The following CD8B variants were observed in gnomAD, a reference collection of about 807,000 sequenced individuals.
CD8B encodes CD8 subunit beta.
Under a neutral mutation model 24.2 loss-of-function variants are expected in CD8B, and 6 were observed. The observed-to-expected ratio is 0.25, with a 90% CI of 0.14 to 0.49. The LOEUF (loss-of-function observed/expected upper bound fraction) is 0.49. Among genes scored for constraint, CD8B ranks in the 20% least tolerant of loss-of-function variants. The probability of loss-of-function intolerance (pLI) is 0.98; values close to 1 mark genes in which losing one functional copy is unlikely to be tolerated. For missense variants in CD8B, 196 were observed against 271.3 expected (o/e 0.72, Z 1.95); for synonymous variants, 84 against 108.3 (o/e 0.78, Z 1.39).
At position 86,842,236 on chromosome 2, in the gene CD8B, C is replaced by T; in HGVS notation, c.*71G>A. The T allele has an allele frequency of 6.6e-7, 1 of 1,518,386 alleles. No individual in the cohort carries two copies. Among genetic ancestry groups the T allele is most frequent in the South Asian group, 1.3e-5 (1 of 74,526 alleles). 94.1% of individuals were successfully genotyped at this position (1,518,386 alleles called of 1,614,324 possible). ...CCAGGGTTGAATGTGTCCCTTCTCT[C>T]ATTTTTCCACATCGTGCTCGTTACT... On this transcript the variant is annotated 3_prime_UTR_variant, in exon 6 of 6. Coordinates refer to ENST00000390655, the MANE Select transcript of CD8B (RefSeq NM_004931.5).
chr2:86,831,532 C>T (rs1407189057), intron 5 of CD8B, among the ~76,000 whole-genome samples: 1 of 152,194 alleles, frequency 6.6e-6, no homozygotes, highest in Non-Finnish European at 1.5e-5. Context: ...AGAGAAACTT[C>T]TTTTGCCTTT....
intron 2 of CD8B, among the ~76,000 whole-genome samples, chr2:86,854,385 C>G (rs1676127464): frequency 6.6e-6 from 1 of 152,180 alleles, no homozygotes. Flanking sequence ...GGTTTTCCTT[C>G]TCAGATGGCC....
intron 3 of CD8B, among the ~76,000 whole-genome samples, chr2:86,851,507 CT>C (rs1420557503): frequency 2.6e-5 from 4 of 152,164 alleles, no homozygotes; most frequent in Non-Finnish European, 2.9e-5. Flanking sequence ...TACTCTTAAG[CT>C]CCTTAAGACT....
At position 86,838,457 on chromosome 2, in the gene CD8B, T is replaced by A. The variant is rs1675265590; in HGVS notation, c.*3850A>T. On this transcript the variant is annotated 3_prime_UTR_variant, in exon 6 of 6. Coordinates refer to ENST00000390655, the MANE Select transcript of CD8B (RefSeq NM_004931.5). ...TTATATTCTCAAGATTTCAATTTTA[T>A]GTTTTAAAAAATATGGGAAGAAAAA... Among the ~76,000 whole-genome samples the A allele has an allele frequency of 6.6e-6, 1 of 151,692 alleles. No homozygotes were observed. The highest frequency in any genetic ancestry group is 2.1e-4 in the South Asian group (1 of 4,802).
chr2:86,846,478 G>A (rs932983142), intron 4 of CD8B, among the ~76,000 whole-genome samples: 7 of 152,150 alleles, frequency 4.6e-5, no homozygotes, highest in African/African-American at 1.4e-4. Context: ...CTCAAACCCA[G>A]GTTTGCCTGA....
At chr2:86,827,283 G>A (rs12616984) in intron 5 of CD8B, among the ~76,000 whole-genome samples, 38,676 of 151,796 alleles carry the variant, frequency 0.25, 5,497 homozygotes, top group Non-Finnish European at 0.33. Flanking sequence ...AGTTAAACAT[G>A]AATTGGCTTG....
At chr2:86,859,243 C>T (rs1406328528) in intron 1 of CD8B, among the ~76,000 whole-genome samples, 1 of 152,006 alleles carries the variant, frequency 6.6e-6, no homozygotes, top group Non-Finnish European at 1.5e-5. Context: ...TGATGGGTCA[C>T]TGGATCCCTA....
intron 5 of CD8B, chr2:86,821,790 A>G: frequency 2.5e-6 from 1 of 396,290 alleles, no homozygotes; most frequent in Non-Finnish European, 5.3e-6. Context: ...GCCCCCACAA[A>G]CCCCGTCCTC....
downstream of CD8B, among the ~76,000 whole-genome samples, chr2:86,834,823 C>G (rs4832317): frequency 0.37 from 56,027 of 150,494 alleles, 11,155 homozygotes; most frequent in Non-Finnish European, 0.46. Context: ...GGAATCCCAG[C>G]TACTTGGGAG....
rs200858779 is a variant in CD8B, at chr2:86,858,319, G to A, written c.141C>T (p.Leu47=). The change falls in exon 2 of 6, where the codon CTC becomes CTT. Residue 47 remains leucine, a synonymous_variant. Coordinates refer to ENST00000390655, the MANE Select transcript of CD8B (RefSeq NM_004931.5). ...TCAGCCAGTAGATGCGCATGTTACT[G>A]AGGGAGATTTTAGCCTCGCAGGACA... The part of the protein sequence containing the change: ...VMLSCEAKIS[L]SNMRIYWLRQ... The A allele has an allele frequency of 5.6e-5, 90 of 1,613,874 alleles. No individual in the cohort carries two copies. The highest frequency in any genetic ancestry group is 2.3e-4 in the Admixed American group (14 of 59,998).
At chr2:86,853,244 C>G (rs901565169) in intron 2 of CD8B, among the ~76,000 whole-genome samples, 158 bp from the exon 3 acceptor site, 3 of 151,720 alleles carry the variant, frequency 2.0e-5, no homozygotes, top group Non-Finnish European at 4.4e-5. Context: ...GAGGTTGAGA[C>G]CAGCCTGGGC....
At position 86,845,104 on chromosome 2, in the gene CD8B, T is replaced by G. The variant is rs1573513431; in HGVS notation, c.584-146A>C. 7.0e-6 allele frequency: 8 copies of G among 1,146,602 alleles called. No homozygotes were observed. In the East Asian group the frequency reaches 2.1e-4, roughly 30 times the overall value. 71.0% of individuals were successfully genotyped at this position (1,146,602 alleles called of 1,614,324 possible). On this transcript the variant is annotated intron_variant, in intron 4 of 5. Coordinates refer to ENST00000390655, the MANE Select transcript of CD8B (RefSeq NM_004931.5). ...GACCCTGGCCCAAACACTTTACACA[T>G]TTTAATCCCCTTAATGCTCACTGAA...
chr2:86,834,935 CAAAAAAAAAAAAA>C (rs59354571), downstream of CD8B, among the ~76,000 whole-genome samples: 1 of 93,950 alleles, frequency 1.1e-5, no homozygotes. Flanking sequence ...AACTCTGTCT[CAAAAAAAAAAAAA>C]AAAAAAAAAA....
chr2:86,846,558 G>A (rs575641181), intron 4 of CD8B, 126 bp downstream of exon 4: 17 of 606,798 alleles, frequency 2.8e-5, no homozygotes, highest in Admixed American at 6.7e-5. Flanking sequence ...TGGAAATACC[G>A]TAGGTTCTCT....
chr2:86,835,463 C>A (rs977968792), downstream of CD8B, among the ~76,000 whole-genome samples: 1 of 152,140 alleles, frequency 6.6e-6, no homozygotes, highest in African/African-American at 2.4e-5. Context: ...TTGTGCTGAT[C>A]ACGTTTACTG....
At chr2:86,860,847 G>C (rs1297380557) in intron 1 of CD8B, among the ~76,000 whole-genome samples, 1 of 152,122 alleles carries the variant, frequency 6.6e-6, no homozygotes, top group Admixed American at 6.5e-5. Flanking sequence ...GGCTCTTCCC[G>C]GGGCCCACTT....
chr2:86,843,195 T>A (rs2104543447), intron 5 of CD8B, among the ~76,000 whole-genome samples: 1 of 152,250 alleles, frequency 6.6e-6, no homozygotes, highest in East Asian at 1.9e-4. Flanking sequence ...GGGGTTCAAG[T>A]GATTCTCTTA....
rs372921049 is a variant in CD8B, at chr2:86,854,406, T to C, written c.404-1320A>G. Among the ~76,000 whole-genome samples, 42 of 152,228 alleles carry C rather than the reference T, an allele frequency of 2.8e-4. No individual in the cohort carries two copies. The South Asian group carries it at 6.8e-3, about 25-fold the overall frequency. On this transcript the variant is annotated intron_variant, in intron 2 of 5. Coordinates refer to ENST00000390655, the MANE Select transcript of CD8B (RefSeq NM_004931.5). ...CCTTCTCAGATGGCCCTAAAATATA[T>C]ATATAATACCAGAGCTAAGGGAAGT...
At chr2:86,860,402 T>C (rs1573532044) in intron 1 of CD8B, among the ~76,000 whole-genome samples, 1 of 152,032 alleles carries the variant, frequency 6.6e-6, no homozygotes, top group Admixed American at 6.5e-5. Flanking sequence ...AGAGCAGAGG[T>C]TTTTCCTTGC....
Sources: allele counts gnomAD v4.1 joint callset (sites outside exome capture counted in the v4.1 genomes callset), GRCh38; gene constraint gnomAD v4.1.1; transcripts MANE v1.5; gene names NCBI Gene and HGNC (gene_info 2026-07-23, HGNC 2026-07-21).